The following PDS5B variants were observed in gnomAD, a reference collection of about 807,000 sequenced individuals.
PDS5B encodes the protein sister chromatid cohesion protein PDS5 homolog B.
PDS5B carries 51 observed loss-of-function variants against 184.1 expected under a neutral mutation model. The observed-to-expected ratio is 0.28, with a 90% CI of 0.22 to 0.35. The LOEUF (loss-of-function observed/expected upper bound fraction) is 0.35. Among genes scored for constraint, PDS5B ranks in the 10% least tolerant of loss-of-function variants. PDS5B has a pLI of 1.00. For missense variants in PDS5B, 1,180 were observed against 1,723.3 expected (o/e 0.68, Z 5.58); for synonymous variants, 566 against 569.2 (o/e 0.99, Z 0.08).
At chr13:32,741,242 A>G in intron 22 of PDS5B, 94 bp downstream of exon 22, 1 of 695,634 alleles carries the variant, frequency 1.4e-6, no homozygotes. Flanking sequence ...GAAAGATATT[A>G]AAGTCACTCA....
At chr13:32,627,648 A>G (rs2058390447) in intron 1 of PDS5B, among the ~76,000 whole-genome samples, 1 of 152,210 alleles carries the variant, frequency 6.6e-6, no homozygotes, top group Non-Finnish European at 1.5e-5. Flanking sequence ...CAAATTAGTA[A>G]TTGCATTAAT....
chr13:32,702,394 C>T (rs1259156198), intron 17 of PDS5B, among the ~76,000 whole-genome samples: 1 of 152,132 alleles, frequency 6.6e-6, no homozygotes, highest in African/African-American at 2.4e-5. Context: ...CTGAATCAGA[C>T]AAATTTATTA....
Position 32,688,520 on chromosome 13 carries a change from A to G in PDS5B, c.1420A>G (p.Met474Val). Residue 474 changes from methionine to valine, a missense_variant, in exon 13 of 35, where the codon ATG (methionine) becomes GTG (valine). This residue lies in a region of PDS5B where 475 missense variants were observed against 691.5 expected (regional missense o/e 0.69). Coordinates refer to ENST00000315596, the MANE Select transcript of PDS5B (RefSeq NM_015032.4). ...TCACAATTTAGAAACTACAGAACGG[A>G]TGAAATGCTTATATTACTTGTATGC... ...VPHNLETTER[M>V]KCLYYLYATL... 6.2e-7 allele frequency: 1 copy of G among 1,609,852 alleles called. No homozygotes were observed. Among genetic ancestry groups the G allele is most frequent in the Non-Finnish European group, 8.5e-7 (1 of 1,176,360 alleles).
At chr13:32,759,162 C>T (rs1285642806) in intron 28 of PDS5B, among the ~76,000 whole-genome samples, 5 of 152,100 alleles carry the variant, frequency 3.3e-5, no homozygotes, top group Non-Finnish European at 1.5e-5. Flanking sequence ...TTTAATTCCT[C>T]GTAATTTAGC....
chr13:32,696,015 G>A (rs775881296), intron 14 of PDS5B, among the ~76,000 whole-genome samples: 1 of 152,074 alleles, frequency 6.6e-6, no homozygotes, highest in Admixed American at 6.6e-5. Flanking sequence ...AAATAAAACA[G>A]CAACAATAGA....
intron 1 of PDS5B, among the ~76,000 whole-genome samples, chr13:32,626,343 G>C (rs1366167917): frequency 6.6e-6 from 1 of 152,108 alleles, no homozygotes; most frequent in Non-Finnish European, 1.5e-5. Flanking sequence ...TCTGTATTTT[G>C]TAACTAGAAT....
intron 6 of PDS5B, among the ~76,000 whole-genome samples, chr13:32,667,471 G>A (rs1173802991): frequency 6.6e-6 from 1 of 152,030 alleles, no homozygotes; most frequent in Non-Finnish European, 1.5e-5. Flanking sequence ...TTGATTTTGG[G>A]ACTAGATCTA....
chr13:32,672,086 T>C (rs773911496), intron 7 of PDS5B, among the ~76,000 whole-genome samples: 4 of 152,218 alleles, frequency 2.6e-5, no homozygotes, highest in Non-Finnish European at 5.9e-5. Flanking sequence ...CTTGTGTTTG[T>C]GTGTGCTTTT....
chr13:32,760,830 ATTAC>A, intron 30 of PDS5B, 110 bp downstream of exon 30: 1 of 1,043,756 alleles, frequency 9.6e-7, no homozygotes, highest in East Asian at 2.6e-5. Context: ...AAAGTAATGT[ATTAC>A]TTAATTTTTC....
chr13:32,635,862 C>G (rs998136798), intron 1 of PDS5B, among the ~76,000 whole-genome samples: 7 of 149,580 alleles, frequency 4.7e-5, no homozygotes, highest in African/African-American at 1.7e-4. Flanking sequence ...TCCACCTCCT[C>G]GGTTCACGCC....
chr13:32,599,776 G>C (rs1230212648), intron 1 of PDS5B, among the ~76,000 whole-genome samples: 1 of 151,986 alleles, frequency 6.6e-6, no homozygotes, highest in Admixed American at 6.6e-5. Context: ...TTAGCCAGGC[G>C]TGGTGGCGGG....
chr13:32,623,284 C>T (rs2140542476), intron 1 of PDS5B, among the ~76,000 whole-genome samples: 1 of 152,172 alleles, frequency 6.6e-6, no homozygotes, highest in South Asian at 2.1e-4. Context: ...ATCTTGTGAC[C>T]ACTGGCTACA....
At chr13:32,756,734 G>A (rs1954193419) in intron 26 of PDS5B, among the ~76,000 whole-genome samples, 1 of 152,078 alleles carries the variant, frequency 6.6e-6, no homozygotes. Context: ...AATTTGAGAA[G>A]CCTCAGGAGA....
At chr13:32,751,435 C>A (rs1248339231) in intron 24 of PDS5B, among the ~76,000 whole-genome samples, 2 of 152,222 alleles carry the variant, frequency 1.3e-5, no homozygotes, top group Non-Finnish European at 2.9e-5. Context: ...AAATCACCAA[C>A]CTGCTTTCCG....
intron 1 of PDS5B, among the ~76,000 whole-genome samples, chr13:32,629,824 A>C (rs2058427371): frequency 6.6e-6 from 1 of 152,206 alleles, no homozygotes; most frequent in Non-Finnish European, 1.5e-5. Context: ...CTTGGGCAAA[A>C]TCAGCGAATT....
intron 31 of PDS5B, among the ~76,000 whole-genome samples, chr13:32,766,171 G>T (rs1321010266): frequency 6.6e-6 from 1 of 152,294 alleles, no homozygotes; most frequent in African/African-American, 2.4e-5. Flanking sequence ...AGCTCATGAT[G>T]TATTTCATTT....
chr13:32,620,844 A>T (rs1268184795), intron 1 of PDS5B, among the ~76,000 whole-genome samples: 1 of 152,152 alleles, frequency 6.6e-6, no homozygotes, highest in East Asian at 1.9e-4. Context: ...ACATTTGTTG[A>T]CATAGTTTTC....
intron 8 of PDS5B, among the ~76,000 whole-genome samples, chr13:32,674,365 A>G (rs1255294592): frequency 1.3e-5 from 2 of 152,150 alleles, no homozygotes; most frequent in Non-Finnish European, 2.9e-5. Flanking sequence ...GCCAGTAAAT[A>G]AGTATTCTTC....
At chr13:32,645,799 T>A (rs112722045) in intron 1 of PDS5B, among the ~76,000 whole-genome samples, 6 of 152,254 alleles carry the variant, frequency 3.9e-5, no homozygotes, top group African/African-American at 1.4e-4. Flanking sequence ...GTGAAAATAC[T>A]TGTGTAACTA....
Sources: allele counts gnomAD v4.1 joint callset (sites outside exome capture counted in the v4.1 genomes callset), GRCh38; gene constraint gnomAD v4.1.1; regional missense constraint gnomAD v4.1.1; transcripts MANE v1.5; gene names NCBI Gene and HGNC (gene_info 2026-07-23, HGNC 2026-07-21).